DLG2: variants seen among roughly 807,000 people sequenced by gnomAD.
DLG2 encodes the protein discs large MAGUK scaffold protein 2, also known as disks large homolog 2.
DLG2 carries 45 observed loss-of-function variants against 132.5 expected under a neutral mutation model. That is an observed-to-expected ratio of 0.34 (90% CI 0.27 to 0.44). The LOEUF (loss-of-function observed/expected upper bound fraction) is 0.44. Among genes scored for constraint, DLG2 ranks in the 20% least tolerant of loss-of-function variants. The probability of loss-of-function intolerance (pLI) is 1.00; values close to 1 mark genes in which losing one functional copy is unlikely to be tolerated. For missense variants in DLG2, 1,045 were observed against 1,196.9 expected (o/e 0.87, Z 1.87); for synonymous variants, 424 against 419.6 (o/e 1.01, Z -0.13).
At chr11:84,953,069 T>G (rs1284131913) in intron 6 of DLG2, among the ~76,000 whole-genome samples, 1 of 152,208 alleles carries the variant, frequency 6.6e-6, no homozygotes, top group Admixed American at 6.5e-5. Flanking sequence ...TTTTAAAACC[T>G]GGTCCATTAT....
rs181083845 is a variant in DLG2, at chr11:84,503,336, A to G, written c.519+31234T>C. On this transcript the variant is annotated intron_variant, in intron 7 of 27. Coordinates refer to ENST00000376104, the MANE Select transcript of DLG2 (RefSeq NM_001142699.3). The stretch of plus-strand genomic sequence containing the variant: ...CCTAATAGTGAGCTTGGCAGAGTAG[A>G]CACATAATAAATGTCCCTAGATTAC... Among the ~76,000 whole-genome samples the G allele has an allele frequency of 2.8e-3, 427 of 152,348 alleles. 2 individuals are homozygous for G. Among genetic ancestry groups the G allele is most frequent in the African/African-American group, 9.1e-3 (379 of 41,570 alleles).
chr11:83,752,254 C>G (rs771677543), intron 18 of DLG2, among the ~76,000 whole-genome samples: 3 of 148,422 alleles, frequency 2.0e-5, no homozygotes, highest in Non-Finnish European at 4.4e-5. Flanking sequence ...GTTGACAGAG[C>G]GAGACTCTGT....
intron 11 of DLG2, among the ~76,000 whole-genome samples, chr11:84,000,812 C>G (rs1358127156): frequency 5.9e-5 from 9 of 151,952 alleles, no homozygotes; most frequent in Non-Finnish European, 1.3e-4. Context: ...GAAGCAAAAA[C>G]AAGAAATTCA....
chr11:83,476,276 C>T (rs1379425854), intron 22 of DLG2, among the ~76,000 whole-genome samples: 5 of 152,098 alleles, frequency 3.3e-5, no homozygotes, highest in Admixed American at 1.3e-4. Context: ...ATACCACACA[C>T]TATTACTCTC....
rs918677697 is a variant in DLG2 at position 85,086,233 on chromosome 11, G to T, written c.357+25428C>A. On this transcript the variant is annotated intron_variant, in intron 6 of 27. Transcript: ENST00000376104. Reference sequence around the variant, plus strand: ...GGAAGCCATCCATCATAATCAATTTGATCTTATTTTTAGTATAATTGAGTC... The same window carrying T: ...GGAAGCCATCCATCATAATCAATTTTATCTTATTTTTAGTATAATTGAGTC... Among the ~76,000 whole-genome samples the T allele has an allele frequency of 1.2e-4, 18 of 152,004 alleles. 1 individual carries two copies. Among genetic ancestry groups the T allele is most frequent in the Admixed American group, 1.0e-3 (16 of 15,264 alleles).
chr11:84,874,568 G>A lies in DLG2; in HGVS notation c.357+237093C>T, dbSNP rs530785796. On this transcript the variant is annotated intron_variant, in intron 6 of 27. Transcript: ENST00000376104. ...CAACTTTAAGTGGGGACAAATTGTG[G>A]TAAGATTTATCTCTTAGAAATCTCA... Among the ~76,000 whole-genome samples the A allele has an allele frequency of 1.1e-4, 17 of 152,250 alleles. No homozygotes were observed. In the South Asian group the frequency reaches 3.3e-3, roughly 30 times the overall value.
chr11:85,171,835 C>G (rs1250004627), intron 4 of DLG2, among the ~76,000 whole-genome samples: 2 of 152,244 alleles, frequency 1.3e-5, no homozygotes, highest in African/African-American at 4.8e-5. Flanking sequence ...TACAGCATAG[C>G]TGCCATGCCA....
intron 6 of DLG2, among the ~76,000 whole-genome samples, chr11:84,755,570 C>T (rs895294885): frequency 6.6e-6 from 1 of 152,136 alleles, no homozygotes; most frequent in African/African-American, 2.4e-5. Flanking sequence ...ACTACAGGCA[C>T]CCGCCACCAC....
chr11:85,023,290 T>A (rs1463109579), intron 6 of DLG2, among the ~76,000 whole-genome samples: 1 of 152,066 alleles, frequency 6.6e-6, no homozygotes, highest in Non-Finnish European at 1.5e-5. Flanking sequence ...AGTTTCAATG[T>A]GGATTATTAT....
intron 3 of DLG2, among the ~76,000 whole-genome samples, chr11:85,402,626 A>G (rs972353502): frequency 1.3e-5 from 2 of 152,190 alleles, no homozygotes; most frequent in Non-Finnish European, 2.9e-5. Flanking sequence ...ATCTACAATG[A>G]ACTCAAACAA....
chr11:84,853,137 C>G (rs1212260048), intron 6 of DLG2, among the ~76,000 whole-genome samples: 1 of 151,900 alleles, frequency 6.6e-6, no homozygotes, highest in East Asian at 1.9e-4. Context: ...TTGCTTTGAA[C>G]TACACTAAAA....
rs151110415 is a variant in DLG2 at position 83,764,024 on chromosome 11, C to T, written c.1825+22666G>A. On this transcript the variant is annotated intron_variant, in intron 18 of 27. Coordinates refer to ENST00000376104, the MANE Select transcript of DLG2 (RefSeq NM_001142699.3). ...TATCTTTCAGGTAAGCCCATGTTGG[C>T]CATTTGTTTGAACAAGAGCCTCTGA... 5.9e-3 allele frequency among the ~76,000 whole-genome samples: 896 copies of T among 152,292 alleles called. 5 individuals are homozygous for T. The highest frequency in any genetic ancestry group is 0.019 in the African/African-American group (774 of 41,562).
intron 7 of DLG2, among the ~76,000 whole-genome samples, chr11:84,502,786 G>A (rs1031143846): frequency 6.6e-6 from 1 of 152,088 alleles, no homozygotes; most frequent in Non-Finnish European, 1.5e-5. Context: ...AGCCCTTTAA[G>A]GATCTTACTT....
intron 10 of DLG2, among the ~76,000 whole-genome samples, chr11:84,084,518 T>C (rs1007283382): frequency 6.6e-6 from 1 of 152,164 alleles, no homozygotes; most frequent in Non-Finnish European, 1.5e-5. Flanking sequence ...CCACAGTTTC[T>C]GAAAATGTCT....
Position 84,646,702 on chromosome 11 carries a change from TAA to T in DLG2, c.358-111973_358-111972del, listed in dbSNP as rs35759527. 6.7e-3 allele frequency among the ~76,000 whole-genome samples: 962 copies of T among 144,024 alleles called. 2 individuals carry two copies. The highest frequency in any genetic ancestry group is 1.0e-2 in the Non-Finnish European group (650 of 65,136). The allele number at this position is 144,024 out of a possible 152,430, so 94.5% of individuals were successfully genotyped here. A position where few individuals can be genotyped will look rare whatever the true frequency, so the allele number is the denominator to read the frequency against. On this transcript the variant is annotated intron_variant, in intron 6 of 27. Transcript: ENST00000376104. ...ACCTCAGAGCACAAGATTTTACACT[TAA>T]AAAAAAAAAAGGAAAAAAAGCAAAT...
chr11:83,904,677 C>T (rs1170475693), intron 15 of DLG2, among the ~76,000 whole-genome samples: 1 of 151,778 alleles, frequency 6.6e-6, no homozygotes, highest in Non-Finnish European at 1.5e-5. Context: ...TTTTAACCAT[C>T]CATCATAATA....
rs60618412 is a variant in DLG2 at position 84,686,630 on chromosome 11, GTTTTTTTT to G, written c.358-151907_358-151900del. Among the ~76,000 whole-genome samples, 143 of 113,806 alleles carry G rather than the reference GTTTTTTTT, an allele frequency of 1.3e-3. 2 individuals are homozygous for G. The East Asian group carries it at 0.037, about 30-fold the overall frequency. 74.7% of individuals were successfully genotyped at this position (113,806 alleles called of 152,430 possible). A position where few individuals can be genotyped will look rare whatever the true frequency, so the allele number is the denominator to read the frequency against. ...CCAAATTCTTTCAACTGGCCTTGAG[GTTTTTTTT>G]TTTTTTTTTTTTTTATGCTATACAC... is the stretch of plus-strand genomic sequence containing the variant. On this transcript the variant is annotated intron_variant, in intron 6 of 27. Transcript: ENST00000376104.
At chr11:84,858,810 T>C (rs574664174) in intron 6 of DLG2, among the ~76,000 whole-genome samples, 1 of 151,986 alleles carries the variant, frequency 6.6e-6, no homozygotes, top group South Asian at 2.1e-4. Context: ...AAATAGTTTG[T>C]ACTTGTTTGT....
At chr11:84,087,962 T>C (rs912355503) in intron 10 of DLG2, among the ~76,000 whole-genome samples, 1 of 152,240 alleles carries the variant, frequency 6.6e-6, no homozygotes, top group Non-Finnish European at 1.5e-5. Flanking sequence ...AAATGATTGA[T>C]CATTTTTAAA....
Sources: allele counts gnomAD v4.1 joint callset (sites outside exome capture counted in the v4.1 genomes callset), GRCh38; gene constraint gnomAD v4.1.1; transcripts MANE v1.5; gene names NCBI Gene and HGNC (gene_info 2026-07-23, HGNC 2026-07-21).